Variants in XYLT1 observed in about 807,000 individuals in gnomAD.
The protein encoded by XYLT1 is xylosyltransferase 1, also known as beta-D-xylosyltransferase 1.
In XYLT1, 36 loss-of-function variants were observed where a neutral mutation model predicts 91.3. That is an observed-to-expected ratio of 0.39 (90% CI 0.30 to 0.52). The LOEUF is 0.52. Ranked by LOEUF, XYLT1 falls within the 20% of genes least tolerant of loss-of-function variation. The pLI, the probability that XYLT1 is intolerant of heterozygous loss-of-function variation, is 0.68. For synonymous variants in XYLT1, 588 were observed against 532.0 expected (o/e 1.11, Z -1.45); for missense variants, 1,242 against 1,284.5 (o/e 0.97, Z 0.51).
At chr16:17,378,361 A>G (rs1411960166) in intron 1 of XYLT1, among the ~76,000 whole-genome samples, 1 of 152,156 alleles carries the variant, frequency 6.6e-6, no homozygotes, top group Non-Finnish European at 1.5e-5. Context: ...ATACACTGTC[A>G]TCTTGATTAT....
intron 1 of XYLT1, among the ~76,000 whole-genome samples, chr16:17,435,910 A>C (rs2036452899): frequency 6.6e-6 from 1 of 152,206 alleles, no homozygotes; most frequent in Non-Finnish European, 1.5e-5. Flanking sequence ...AAGTAGTAGT[A>C]ATGTCTCCAC....
intron 2 of XYLT1, among the ~76,000 whole-genome samples, chr16:17,287,813 G>A (rs2034164475): frequency 6.6e-6 from 1 of 152,152 alleles, no homozygotes; most frequent in Non-Finnish European, 1.5e-5. Context: ...GTGGAGGACT[G>A]GTAGTTCCAA....
chr16:17,442,403 C>A (rs1414973302), intron 1 of XYLT1, among the ~76,000 whole-genome samples: 1 of 152,068 alleles, frequency 6.6e-6, no homozygotes, highest in Non-Finnish European at 1.5e-5. Context: ...TACCCCCCAC[C>A]TCCATGATGG....
chr16:17,301,871 T>G (rs1188727267), intron 2 of XYLT1, among the ~76,000 whole-genome samples: 1 of 152,182 alleles, frequency 6.6e-6, no homozygotes, highest in Non-Finnish European at 1.5e-5. Flanking sequence ...TATGCTCCAG[T>G]GGTGCTTGGA....
intron 3 of XYLT1, among the ~76,000 whole-genome samples, chr16:17,201,467 G>C (rs1019568371): frequency 6.6e-6 from 1 of 151,760 alleles, no homozygotes; most frequent in African/African-American, 2.4e-5. Flanking sequence ...CTACATAAGA[G>C]AGGTTATCTT....
intron 3 of XYLT1, among the ~76,000 whole-genome samples, chr16:17,245,526 C>T (rs759023941): frequency 6.6e-6 from 1 of 152,212 alleles, no homozygotes; most frequent in Non-Finnish European, 1.5e-5. Context: ...CTATTTCAAT[C>T]GTCTCTTAAT....
intron 1 of XYLT1, among the ~76,000 whole-genome samples, chr16:17,470,012 CAG>C (rs1895501167): frequency 6.6e-6 from 1 of 152,128 alleles, no homozygotes; most frequent in African/African-American, 2.4e-5. Flanking sequence ...CGGCAAAAAC[CAG>C]AGAGATGCTG....
At chr16:17,382,585 G>A (rs897928399) in intron 1 of XYLT1, among the ~76,000 whole-genome samples, 8 of 151,896 alleles carry the variant, frequency 5.3e-5, no homozygotes, top group African/African-American at 1.9e-4. Context: ...CAGGACTCGG[G>A]GCAGGCCAGC....
intron 4 of XYLT1, among the ~76,000 whole-genome samples, 184 bp from the exon 5 acceptor site, chr16:17,198,598 A>G (rs528113912): frequency 6.6e-6 from 1 of 152,026 alleles, no homozygotes; most frequent in Non-Finnish European, 1.5e-5. Flanking sequence ...AACTTGGATT[A>G]TTTTTTACAT....
At chr16:17,184,088 G>A (rs925399922) in intron 5 of XYLT1, among the ~76,000 whole-genome samples, 14 of 151,592 alleles carry the variant, frequency 9.2e-5, no homozygotes, top group African/African-American at 2.9e-4. Flanking sequence ...AGACCACCCC[G>A]GGCTCACATC....
chr16:17,404,100 TG>T (rs11398247), intron 1 of XYLT1, among the ~76,000 whole-genome samples: 83,846 of 149,682 alleles, frequency 0.56, 23,903 homozygotes, highest in Middle Eastern at 0.64. Context: ...TATGTGTGGT[TG>T]GGGGGGGGGC....
intron 5 of XYLT1, among the ~76,000 whole-genome samples, chr16:17,168,737 C>T (rs1247245158): frequency 1.3e-5 from 2 of 152,104 alleles, no homozygotes; most frequent in African/African-American, 4.8e-5. Context: ...CCATGAGCAA[C>T]TGAGGAAAAG....
At chr16:17,202,706 T>C (rs1332691850) in intron 3 of XYLT1, among the ~76,000 whole-genome samples, 2 of 152,222 alleles carry the variant, frequency 1.3e-5, no homozygotes, top group African/African-American at 4.8e-5. Context: ...ATTTCAACTT[T>C]CTTCATAGCA....
intron 2 of XYLT1, among the ~76,000 whole-genome samples, chr16:17,311,619 C>G (rs913788534): frequency 1.3e-5 from 2 of 152,168 alleles, no homozygotes; most frequent in Admixed American, 1.3e-4. Flanking sequence ...TCTTCAACAA[C>G]GTTGATGCTG....
intron 4 of XYLT1, among the ~76,000 whole-genome samples, chr16:17,200,228 GA>G (rs954026624): frequency 5.7e-5 from 8 of 139,434 alleles, no homozygotes; most frequent in South Asian, 2.4e-4. Context: ...AAAAAAAAAA[GA>G]AAAAAAACCC....
chr16:17,467,560 T>C (rs1024469604), intron 1 of XYLT1, among the ~76,000 whole-genome samples: 5 of 152,198 alleles, frequency 3.3e-5, no homozygotes, highest in Non-Finnish European at 7.3e-5. Context: ...AAAGGAGAGC[T>C]TGCAAATCTT....
chr16:17,401,893 A>T (rs984752375), intron 1 of XYLT1, among the ~76,000 whole-genome samples: 11 of 152,116 alleles, frequency 7.2e-5, no homozygotes, highest in Non-Finnish European at 1.5e-4. Context: ...TATCAACAAA[A>T]ATCTAAATGT....
At chr16:17,291,053 G>C (rs1471300959) in intron 2 of XYLT1, among the ~76,000 whole-genome samples, 1 of 152,190 alleles carries the variant, frequency 6.6e-6, no homozygotes, top group Non-Finnish European at 1.5e-5. Flanking sequence ...TCCCACTTCA[G>C]CCTTCTGAGT....
intron 3 of XYLT1, among the ~76,000 whole-genome samples, chr16:17,212,149 C>T (rs1343676781): frequency 6.6e-6 from 1 of 152,188 alleles, no homozygotes; most frequent in South Asian, 2.1e-4. Context: ...GTTTCAGCCC[C>T]AACCCCAAAC....
Sources: allele counts gnomAD v4.1 joint callset (sites outside exome capture counted in the v4.1 genomes callset), GRCh38; gene constraint gnomAD v4.1.1; transcripts MANE v1.5; gene names NCBI Gene and HGNC (gene_info 2026-07-23, HGNC 2026-07-21).